PRDM2: variants seen among roughly 807,000 people sequenced by gnomAD.
The protein encoded by PRDM2 is PR domain zinc finger protein 2.
Under a neutral mutation model 130.0 loss-of-function variants are expected in PRDM2, and 30 were observed. The ratio of observed to expected loss-of-function variants is 0.23; its 90% CI spans 0.17 to 0.31. The LOEUF is 0.31. Among genes scored for constraint, PRDM2 ranks in the 10% least tolerant of loss-of-function variants. The pLI is 1.00. For synonymous variants in PRDM2, 871 were observed against 782.4 expected (o/e 1.11, Z -1.89); for missense variants, 2,011 against 2,108.4 (o/e 0.95, Z 0.90).
intron 1 of PRDM2, among the ~76,000 whole-genome samples, chr1:13,712,022 C>T (rs2100402949): frequency 6.8e-6 from 1 of 147,276 alleles, no homozygotes; most frequent in Non-Finnish European, 1.5e-5. Flanking sequence ...AGATGATAGC[C>T]TGGGTAACAA....
intron 8 of PRDM2, among the ~76,000 whole-genome samples, chr1:13,808,079 A>G (rs1308260566): frequency 6.6e-6 from 1 of 152,246 alleles, no homozygotes; most frequent in Admixed American, 6.5e-5. Flanking sequence ...ACTTCTGGGC[A>G]AAGCCTGTGT....
chr1:13,754,353 C>T (rs1477398803), intron 6 of PRDM2, among the ~76,000 whole-genome samples: 1 of 152,154 alleles, frequency 6.6e-6, no homozygotes, highest in Non-Finnish European at 1.5e-5. Flanking sequence ...CGTTTCATGA[C>T]AGCCACGCAC....
chr1:13,790,633 A>G (rs1187778815), intron 8 of PRDM2, among the ~76,000 whole-genome samples: 4 of 152,236 alleles, frequency 2.6e-5, no homozygotes, highest in African/African-American at 7.2e-5. Context: ...GGTGGGAATG[A>G]TGACGTGACC....
At chr1:13,700,643 G>C (rs1035939293) in intron 1 of PRDM2, among the ~76,000 whole-genome samples, 11 of 151,720 alleles carry the variant, frequency 7.3e-5, no homozygotes, top group African/African-American at 2.7e-4. Flanking sequence ...GGCCGGGTGC[G>C]GGCGGCGGTG....
rs927200863 is a variant in PRDM2 at position 13,806,071 on chromosome 1, T to C, written c.5037-10356T>C. Reference sequence around the variant, plus strand: ...TTGAGGAGCCATCAAACCAAGGTTATCAGCAGCCCCCAGGATGCTCAATGC... The same window carrying C: ...TTGAGGAGCCATCAAACCAAGGTTACCAGCAGCCCCCAGGATGCTCAATGC... On this transcript the variant is annotated intron_variant, in intron 8 of 9. Coordinates refer to ENST00000311066, the MANE Select transcript of PRDM2 (RefSeq NM_001393986.1). This position sits in a 1 kb window ranked among gnomAD's most constrained non-coding sequence, Gnocchi z 4.1. 1.3e-5 allele frequency among the ~76,000 whole-genome samples: 2 copies of C among 152,108 alleles called. No individual in the cohort carries two copies. Among genetic ancestry groups the C allele is most frequent in the African/African-American group, 4.8e-5 (2 of 41,418 alleles).
intron 9 of PRDM2, among the ~76,000 whole-genome samples, chr1:13,816,839 A>G (rs1645266032): frequency 6.6e-6 from 1 of 152,258 alleles, no homozygotes; most frequent in African/African-American, 2.4e-5. Flanking sequence ...ACATGTGTAC[A>G]GTGGGCACTA....
intron 5 of PRDM2, among the ~76,000 whole-genome samples, chr1:13,742,909 A>G (rs150056650): frequency 1.5e-3 from 221 of 152,340 alleles, no homozygotes; most frequent in African/African-American, 5.0e-3. Context: ...TGAACAGAAC[A>G]TGTTTCTTCC....
At position 13,782,640 on chromosome 1, in the gene PRDM2, A is replaced by G. The variant is rs745887728; in HGVS notation, c.4845A>G (p.Val1615=). ...CATCACGGAGCCTGCACGTGAGGGT[A>G]CAGAAAAGCAAAGCTGTTTTACAAA... ...SKTSRSLHVR[V]QKSKAVLQSK... The change falls in exon 8 of 10, where the codon GTA becomes GTG. Residue 1615 remains valine (V), a synonymous_variant. Coordinates refer to ENST00000311066, the MANE Select transcript of PRDM2 (RefSeq NM_001393986.1). 49 of 1,614,184 alleles carry G rather than the reference A, an allele frequency of 3.0e-5. 1 individual carries two copies. The Middle Eastern group carries it at 4.3e-3, about 141-fold the overall frequency.
chr1:13,786,064 T>G (rs570361433), intron 8 of PRDM2, among the ~76,000 whole-genome samples: 1 of 152,112 alleles, frequency 6.6e-6, no homozygotes, highest in East Asian at 1.9e-4. Context: ...GGTCTCGATC[T>G]CCTGACCTTA....
At chr1:13,730,781 A>G (rs1643076195) in intron 2 of PRDM2, among the ~76,000 whole-genome samples, 1 of 152,200 alleles carries the variant, frequency 6.6e-6, no homozygotes, top group Non-Finnish European at 1.5e-5. Context: ...ATAGAGTAAC[A>G]CAGACATGCT....
At chr1:13,719,561 A>G (rs375644995) in intron 2 of PRDM2, among the ~76,000 whole-genome samples, 1 of 152,230 alleles carries the variant, frequency 6.6e-6, no homozygotes, top group Admixed American at 6.5e-5. Context: ...GATTAACACC[A>G]TGCTTTAGGA....
intron 5 of PRDM2, 67 bp downstream of exon 5, chr1:13,742,224 A>G: frequency 6.6e-7 from 1 of 1,522,124 alleles, no homozygotes; most frequent in South Asian, 1.2e-5. Context: ...TTTTTTTGAG[A>G]CGGTCTCATT....
Position 13,778,739 on chromosome 1 carries a change from A to G in PRDM2, c.944A>G (p.Lys315Arg). The change falls in exon 8 of 10, where the codon AAG becomes AGG. Residue 315 changes from lysine (K) to arginine (R), a missense_variant. Around this residue, in one of 5 missense-constraint regions of PRDM2, gnomAD observed 1,288 missense variants for 1,237.7 expected, o/e 1.04. Coordinates refer to ENST00000311066, the MANE Select transcript of PRDM2 (RefSeq NM_001393986.1). ...GAGCCAGAAATACGGTGTGATGAGAAGCCAGAAGATTTATTAGAGGAACCA... is the reference window on the plus strand; with the variant it reads ...GAGCCAGAAATACGGTGTGATGAGAGGCCAGAAGATTTATTAGAGGAACCA... ...VKEPEIRCDE[K>R]PEDLLEEPKT... The G allele has an allele frequency of 6.2e-7, 1 of 1,614,242 alleles. No individual in the cohort carries two copies. The highest frequency in any genetic ancestry group is 2.2e-5 in the East Asian group (1 of 44,890).
intron 9 of PRDM2, among the ~76,000 whole-genome samples, chr1:13,816,786 G>A (rs1301803695): frequency 1.3e-5 from 2 of 152,182 alleles, no homozygotes; most frequent in Admixed American, 6.5e-5. Flanking sequence ...TGCTGGCTAC[G>A]AACTTCAAGC....
At position 13,778,746 on chromosome 1, in the gene PRDM2, A is replaced by T. The variant is rs1258057031; in HGVS notation, c.951A>T (p.Glu317Asp). ...AAATACGGTGTGATGAGAAGCCAGA[A>T]GATTTATTAGAGGAACCAAAAACAA... is the stretch of plus-strand genomic sequence containing the variant. ...EPEIRCDEKP[E>D]DLLEEPKTTS... is the part of the protein sequence containing the mutation. The change falls in exon 8 of 10, where the codon GAA becomes GAT. Residue 317 changes from glutamate to aspartate, a missense_variant. By Grantham distance (45) the Glu-to-Asp change is conservative. Around this residue, in one of 5 missense-constraint regions of PRDM2, gnomAD observed 1,288 missense variants for 1,237.7 expected, o/e 1.04. Coordinates refer to ENST00000311066, the MANE Select transcript of PRDM2 (RefSeq NM_001393986.1). 1 of 1,614,214 alleles carries T rather than the reference A, an allele frequency of 6.2e-7. No homozygotes were observed. The highest frequency in any genetic ancestry group is 1.7e-5 in the Admixed American group (1 of 60,016).
intron 2 of PRDM2, among the ~76,000 whole-genome samples, chr1:13,721,934 C>A (rs528208919): frequency 6.6e-6 from 1 of 152,112 alleles, no homozygotes; most frequent in African/African-American, 2.4e-5. Flanking sequence ...TGGTGCCTAC[C>A]CCGTGTGGTT....
At position 13,782,450 on chromosome 1, in the gene PRDM2, G is replaced by A. The variant is rs1197204012; in HGVS notation, c.4655G>A (p.Arg1552Lys). The change falls in exon 8 of 10, where the codon AGG becomes AAG. Residue 1552 changes from arginine to lysine, a missense_variant. By Grantham distance (26) the Arg-to-Lys change is conservative. Around this residue, in one of 5 missense-constraint regions of PRDM2, gnomAD observed 410 missense variants for 395.9 expected, o/e 1.04. Transcript: ENST00000311066. ...TQVPLPSSSFRSKQNVKFAAS... is the reference protein window; with the variant it reads ...TQVPLPSSSFKSKQNVKFAAS... ...GTCCCACTTCCCTCCTCATCCTTCA[G>A]GTCCAAGCAGAACGTCAAGTTTGCA... The A allele has an allele frequency of 4.3e-6, 7 of 1,613,844 alleles. No homozygotes were observed. The highest frequency in any genetic ancestry group is 5.1e-6 in the Non-Finnish European group (6 of 1,180,028).
Position 13,824,952 on chromosome 1 carries a change from T to C in PRDM2, c.*1817T>C, listed in dbSNP as rs2100782132. ...ACGGTCAGGAAAACTGTTCCAATCA[T>C]GAAAAGGGGGGATGATTTTGTAAAA... On this transcript the variant is annotated 3_prime_UTR_variant, in exon 10 of 10. Transcript: ENST00000311066. 6.6e-6 allele frequency: 1 copy of C among 152,668 alleles called. No individual in the cohort carries two copies. The highest frequency in any genetic ancestry group is 2.1e-4 in the South Asian group (1 of 4,824). 9.5% of individuals were successfully genotyped at this position (152,668 alleles called of 1,614,324 possible).
chr1:13,823,353 C>T lies in PRDM2; in HGVS notation c.*218C>T, dbSNP rs1000192899. 1.6e-5 allele frequency: 12 copies of T among 728,926 alleles called. No individual in the cohort carries two copies. The highest frequency in any genetic ancestry group is 3.5e-5 in the African/African-American group (2 of 56,376). 45.2% of individuals were successfully genotyped at this position (728,926 alleles called of 1,614,324 possible). On this transcript the variant is annotated 3_prime_UTR_variant, in exon 10 of 10. Coordinates refer to ENST00000311066, the MANE Select transcript of PRDM2 (RefSeq NM_001393986.1). Reference sequence around the variant, plus strand: ...GTCTTCAAACGAGGGTCCCGATCCCCGGGGCGGCAGGAAGGGGGCCGACTC... The same window carrying T: ...GTCTTCAAACGAGGGTCCCGATCCCTGGGGCGGCAGGAAGGGGGCCGACTC...
Sources: allele counts gnomAD v4.1 joint callset (sites outside exome capture counted in the v4.1 genomes callset), GRCh38; gene constraint gnomAD v4.1.1; regional missense constraint gnomAD v4.1.1; non-coding constraint Gnocchi (gnomAD v3.1); transcripts MANE v1.5; gene names NCBI Gene and HGNC (gene_info 2026-07-23, HGNC 2026-07-21).